Variants in SEMA3D observed in about 807,000 individuals in gnomAD.
SEMA3D encodes the protein semaphorin-3D.
SEMA3D carries 84 observed loss-of-function variants against 100.1 expected under a neutral mutation model. The ratio of observed to expected loss-of-function variants is 0.84; its 90% CI spans 0.70 to 1.01. The LOEUF is 1.01. Among genes scored for constraint, SEMA3D ranks in the 50% least tolerant of loss-of-function variants. The pLI, the probability that SEMA3D is intolerant of heterozygous loss-of-function variation, is 0.00. For synonymous variants in SEMA3D, 312 were observed against 320.7 expected (o/e 0.97, Z 0.29); for missense variants, 875 against 934.1 (o/e 0.94, Z 0.82).
chr7:85,031,129 T>C lies in SEMA3D; in HGVS notation c.1191+5760A>G, dbSNP rs139376126. 5.0e-3 allele frequency among the ~76,000 whole-genome samples: 761 copies of C among 152,080 alleles called. 5 individuals carry two copies. Among genetic ancestry groups the C allele is most frequent in the African/African-American group, 0.017 (714 of 41,524 alleles). On this transcript the variant is annotated intron_variant, in intron 12 of 18. Coordinates refer to ENST00000284136, the MANE Select transcript of SEMA3D (RefSeq NM_001384900.1). ...TAAGCTAGGAGTTTAGGTTTGACTT[T>C]TTGTCAAAGAAGTACAGCATTCTGT...
chr7:85,005,124 G>T (rs1280491534), intron 18 of SEMA3D, among the ~76,000 whole-genome samples: 5 of 151,754 alleles, frequency 3.3e-5, no homozygotes, highest in East Asian at 2.0e-4. Context: ...ATTTATTAAA[G>T]AATTATATTT....
At chr7:85,066,890 G>GCGCACACACACACACACACACA (rs1265828830) in intron 7 of SEMA3D, among the ~76,000 whole-genome samples, 2 of 100,718 alleles carry the variant, frequency 2.0e-5, no homozygotes, top group Middle Eastern at 4.0e-3. Flanking sequence ...GGAAATGTGC[G>GCGCACACACACACACACACACA]CTCACACACA....
At chr7:85,242,020 C>G in the SEMA3D span, among the ~76,000 whole-genome samples, 2 of 151,714 alleles carry the variant, frequency 1.3e-5, no homozygotes, top group East Asian at 3.9e-4. Context: ...TCCTCAAAAA[C>G]TAAAAATAGA....
At chr7:85,236,763 T>C in the SEMA3D span, among the ~76,000 whole-genome samples, 1 of 152,170 alleles carries the variant, frequency 6.6e-6, no homozygotes, top group East Asian at 1.9e-4. Flanking sequence ...TTTTAAATAG[T>C]GAACCTTTAA....
Position 85,072,996 on chromosome 7 carries a change from A to T in SEMA3D, c.461T>A (p.Ile154Lys), listed in dbSNP as rs763509391. ...GACTCCAAGATCAATATACCCACAT[A>T]TTGGATGAAATGCTCCAGTTCCACA... is the stretch of plus-strand genomic sequence containing the variant. ...YVCGTGAFHP[I>K]CGYIDLGVYK... The change falls in exon 6 of 19, where the codon ATA (isoleucine) becomes AAA (lysine). Residue 154 changes from isoleucine (I) to lysine (K), a missense_variant. Transcript: ENST00000284136. 4 of 1,610,900 alleles carry T rather than the reference A, an allele frequency of 2.5e-6. No homozygotes were observed. Among genetic ancestry groups the T allele is most frequent in the Non-Finnish European group, 3.4e-6 (4 of 1,177,724 alleles).
rs140161236 is a variant in SEMA3D, at chr7:85,092,370, T to A, written c.312+5435A>T. Among the ~76,000 whole-genome samples the A allele has an allele frequency of 5.0e-3, 768 of 152,112 alleles. 15 individuals are homozygous for A. The highest frequency in any genetic ancestry group is 0.034 in the Admixed American group (518 of 15,236). ...CAATATGCTTAGTGCTAATAATAGA[T>A]ACTCAATGGATTTTTGTTGAACTAA... On this transcript the variant is annotated intron_variant, in intron 4 of 18. Coordinates refer to ENST00000284136, the MANE Select transcript of SEMA3D (RefSeq NM_001384900.1).
chr7:85,041,546 A>G (rs907052315), intron 10 of SEMA3D: 1 of 152,226 alleles, frequency 6.6e-6, no homozygotes, highest in Non-Finnish European at 1.5e-5. Context: ...ATACTGATGA[A>G]ATAATTCCAT....
chr7:85,146,027 C>G (rs1047331855), intron 2 of SEMA3D, among the ~76,000 whole-genome samples: 11 of 151,886 alleles, frequency 7.2e-5, no homozygotes, highest in African/African-American at 2.7e-4. Context: ...ATTTTTTTTC[C>G]CAGATATTTT....
At chr7:85,231,113 C>T in the SEMA3D span, among the ~76,000 whole-genome samples, 1 of 151,940 alleles carries the variant, frequency 6.6e-6, no homozygotes, top group African/African-American at 2.4e-5. Flanking sequence ...TTTTATTTTT[C>T]ATTTGTGTCT....
At chr7:85,107,286 C>G (rs537415020) in intron 3 of SEMA3D, among the ~76,000 whole-genome samples, 1 of 152,060 alleles carries the variant, frequency 6.6e-6, no homozygotes, top group South Asian at 2.1e-4. Context: ...TAGGTTTTCT[C>G]CAGATGAAAG....
chr7:85,081,461 T>C (rs1788061430), intron 5 of SEMA3D, 56 bp downstream of exon 5: 4 of 1,119,278 alleles, frequency 3.6e-6, no homozygotes, highest in Non-Finnish European at 5.5e-6. Flanking sequence ...ATATAAATAT[T>C]TGCTATCATA....
chr7:85,030,205 T>C (rs1381979378), intron 12 of SEMA3D, among the ~76,000 whole-genome samples: 1 of 151,874 alleles, frequency 6.6e-6, no homozygotes, highest in East Asian at 1.9e-4. Context: ...ACCTATTTTT[T>C]TTTTTTGAAA....
chr7:85,042,225 G>A lies in SEMA3D; in HGVS notation c.922C>T (p.Leu308=), dbSNP rs762164263. ...TCACTTCCAGGAATTGAGCAAATCA[G>A]TCTGGCCTTAAGAAAAGTCGTCCAC... The part of the protein sequence containing the change: ...NKWTTFLKAR[L]ICSIPGSDGA... The change falls in exon 10 of 19, where the codon CTG becomes TTG. Residue 308 remains leucine (L), a synonymous_variant. Coordinates refer to ENST00000284136, the MANE Select transcript of SEMA3D (RefSeq NM_001384900.1). 4.2e-5 allele frequency: 67 copies of A among 1,613,508 alleles called. No individual in the cohort carries two copies. Among genetic ancestry groups the A allele is most frequent in the Non-Finnish European group, 5.1e-5 (60 of 1,179,706 alleles).
chr7:85,061,032 C>A (rs1219823947), intron 8 of SEMA3D, among the ~76,000 whole-genome samples: 1 of 152,058 alleles, frequency 6.6e-6, no homozygotes, highest in Non-Finnish European at 1.5e-5. Context: ...GAGTAAACAC[C>A]CTAGTTTGCA....
At chr7:85,230,802 C>T in the SEMA3D span, among the ~76,000 whole-genome samples, 2 of 152,154 alleles carry the variant, frequency 1.3e-5, no homozygotes, top group Non-Finnish European at 2.9e-5. Context: ...CTCATGCAAC[C>T]GTTAAACTAG....
In SEMA3D at chr7:85,022,611, A is replaced by T; in HGVS notation, c.1194T>A (p.Cys398Ter). The T allele has an allele frequency of 6.2e-7, 1 of 1,603,338 alleles. No individual in the cohort carries two copies. Among genetic ancestry groups the T allele is most frequent in the Non-Finnish European group, 8.5e-7 (1 of 1,170,706 alleles). The change falls in exon 13 of 19, where the codon TGT (cysteine) becomes TGA (stop). Residue 398 changes from cysteine to a stop codon, truncating the protein, a stop_gained and splice_region_variant. Coordinates refer to ENST00000284136, the MANE Select transcript of SEMA3D (RefSeq NM_001384900.1). LOFTEE classifies it high-confidence loss of function. ...GRIPYPRPGT[C>*]PSKTYDPLIK... ...TCAGTGGGTCATAGGTTTTGCTTGGACACTGAAAATAAATGTGGAGGAAAG... is the reference window on the plus strand; with the variant it reads ...TCAGTGGGTCATAGGTTTTGCTTGGTCACTGAAAATAAATGTGGAGGAAAG...
chr7:85,244,282 C>A, the SEMA3D span, among the ~76,000 whole-genome samples: 1 of 152,108 alleles, frequency 6.6e-6, no homozygotes, highest in Non-Finnish European at 1.5e-5. Context: ...TCCCTTTCCA[C>A]AAAAGTGAGG....
the SEMA3D span, among the ~76,000 whole-genome samples, chr7:85,248,790 TAA>T: frequency 3.4e-5 from 5 of 147,542 alleles, no homozygotes; most frequent in Non-Finnish European, 4.5e-5. Flanking sequence ...ATGGAAACGG[TAA>T]AAAAAAAAGT....
chr7:85,148,000 A>G (rs1388681539), intron 2 of SEMA3D, among the ~76,000 whole-genome samples: 1 of 152,156 alleles, frequency 6.6e-6, no homozygotes, highest in East Asian at 1.9e-4. Context: ...GTAGGTGTAA[A>G]CAATTTCAAC....
Sources: allele counts gnomAD v4.1 joint callset (sites outside exome capture counted in the v4.1 genomes callset), GRCh38; gene constraint gnomAD v4.1.1; transcripts MANE v1.5; gene names NCBI Gene and HGNC (gene_info 2026-07-23, HGNC 2026-07-21).